The following PREX1 variants were observed in gnomAD, a reference collection of about 807,000 sequenced individuals.
The protein encoded by PREX1 is phosphatidylinositol-3,4,5-trisphosphate dependent Rac exchange factor 1, also known as phosphatidylinositol 3,4,5-trisphosphate-dependent Rac exchanger 1 protein.
PREX1 carries 41 observed loss-of-function variants against 198.3 expected under a neutral mutation model. The observed-to-expected ratio is 0.21, with a 90% CI of 0.16 to 0.27. The LOEUF is 0.27. Among genes scored for constraint, PREX1 ranks in the 10% least tolerant of loss-of-function variants. PREX1 has a pLI of 1.00. For synonymous variants in PREX1, 843 were observed against 887.2 expected, an observed-to-expected ratio of 0.95 and a Z score of 0.89; for missense variants, 1,620 against 2,200.7, an observed-to-expected ratio of 0.74 and a Z score of 5.28.
At chr20:48,846,529 C>T in the PREX1 span, among the ~76,000 whole-genome samples, 1 of 152,186 alleles carries the variant, frequency 6.6e-6, no homozygotes, top group Non-Finnish European at 1.5e-5. Flanking sequence ...GCCCGACCCT[C>T]CTACAGTACA....
chr20:48,681,389 G>A lies in PREX1; in HGVS notation c.1335-54C>T. 1.9e-6 allele frequency: 3 copies of A among 1,566,114 alleles called. No individual in the cohort carries two copies. In the South Asian group the frequency reaches 3.3e-5, roughly 17 times the overall value. Reference sequence around the variant, plus strand: ...GGATTTCCCCAATTCTGGGACCACAGGAATCAGCACTAAGCTGGCCTGGCC... The same window carrying A: ...GGATTTCCCCAATTCTGGGACCACAAGAATCAGCACTAAGCTGGCCTGGCC... On this transcript the variant is annotated intron_variant, in intron 10 of 39. Coordinates refer to ENST00000371941, the MANE Select transcript of PREX1 (RefSeq NM_020820.4).
At chr20:48,671,378 G>C (rs1024799029) in intron 14 of PREX1, among the ~76,000 whole-genome samples, 6 of 152,216 alleles carry the variant, frequency 3.9e-5, no homozygotes, top group African/African-American at 1.4e-4. Flanking sequence ...TACCAGGATA[G>C]CAGAACAGAA....
Position 48,681,451 on chromosome 20 carries a change from C to T in PREX1, c.1335-116G>A, listed in dbSNP as rs147270661. 1,634 of 976,392 alleles carry T rather than the reference C, an allele frequency of 1.7e-3. 23 individuals are homozygous for T. In the African/African-American group the frequency reaches 0.023, roughly 14 times the overall value. 60.5% of individuals were successfully genotyped at this position (976,392 alleles called of 1,614,324 possible). A position where few individuals can be genotyped will look rare whatever the true frequency, so the allele number is the denominator to read the frequency against. On this transcript the variant is annotated intron_variant, in intron 10 of 39. Coordinates refer to ENST00000371941, the MANE Select transcript of PREX1 (RefSeq NM_020820.4). ...TGGGAATGACAGCTAGAACTTCCCA[C>T]AGGGAAGCCGAGTGTAGTAGTCTAT...
chr20:48,879,056 G>A, the PREX1 span, among the ~76,000 whole-genome samples: 2 of 152,154 alleles, frequency 1.3e-5, no homozygotes, highest in African/African-American at 4.8e-5. Context: ...ATTCAGCCAT[G>A]CCTGAATCCC....
chr20:48,633,563 A>T (rs749975480), intron 33 of PREX1, among the ~76,000 whole-genome samples: 2 of 152,198 alleles, frequency 1.3e-5, no homozygotes, highest in Admixed American at 1.3e-4. Context: ...GGCTTTCAGC[A>T]TACAGGCCTC....
Position 48,632,532 on chromosome 20 carries a change from C to A in PREX1, c.4375G>T (p.Ala1459Ser), listed in dbSNP as rs1181121845. The A allele has an allele frequency of 1.9e-6, 3 of 1,613,992 alleles. No homozygotes were observed. Among genetic ancestry groups the A allele is most frequent in the Non-Finnish European group, 2.5e-6 (3 of 1,180,020 alleles). Reference sequence around the variant, plus strand: ...AGCGCTGTGTGCAGCCTCAGGCTGGCCCCACCCTCCAGGCGGGAGGGCAGC... The same window carrying A: ...AGCGCTGTGTGCAGCCTCAGGCTGGACCCACCCTCCAGGCGGGAGGGCAGC... ...SKLPSRLEGG[A>S]SLRLHTALFT... The change falls in exon 34 of 40, where the codon GCC (alanine) becomes TCC (serine). Residue 1459 changes from alanine to serine, a missense_variant. Physicochemically the swap from Ala to Ser is moderately conservative, Grantham distance 99 (BLOSUM62 1). This residue lies in a region of PREX1 where 476 missense variants were observed against 603.4 expected (regional missense o/e 0.79). Coordinates refer to ENST00000371941, the MANE Select transcript of PREX1 (RefSeq NM_020820.4).
chr20:48,809,229 A>G (rs1023295852), intron 1 of PREX1, among the ~76,000 whole-genome samples: 8 of 152,232 alleles, frequency 5.3e-5, no homozygotes, highest in Non-Finnish European at 1.0e-4. Context: ...GAGGTCAGAC[A>G]TGGAAAGGCC....
intron 1 of PREX1, among the ~76,000 whole-genome samples, chr20:48,810,223 T>C (rs1401415988): frequency 1.3e-5 from 2 of 152,042 alleles, no homozygotes; most frequent in East Asian, 1.9e-4. Flanking sequence ...GGTCTTTCAG[T>C]TTTCCATCTG....
chr20:48,686,677 GGA>G (rs1294664667), intron 10 of PREX1, among the ~76,000 whole-genome samples: 1 of 152,220 alleles, frequency 6.6e-6, no homozygotes, highest in Non-Finnish European at 1.5e-5. Flanking sequence ...CCAGCCAGCA[GGA>G]CTCCAAGGCC....
intron 11 of PREX1, among the ~76,000 whole-genome samples, chr20:48,680,271 G>A (rs2089740932): frequency 6.6e-6 from 1 of 152,070 alleles, no homozygotes; most frequent in Non-Finnish European, 1.5e-5. Flanking sequence ...TCCTACACTG[G>A]CCCGAACCAC....
At chr20:48,705,403 C>G (rs1347946886) in intron 6 of PREX1, among the ~76,000 whole-genome samples, 1 of 152,194 alleles carries the variant, frequency 6.6e-6, no homozygotes, top group Non-Finnish European at 1.5e-5. Context: ...GATGCAACCT[C>G]AAGCACACAG....
At chr20:48,642,336 G>T (rs41283550) in intron 28 of PREX1, 71 bp downstream of exon 28, 2 of 1,603,894 alleles carry the variant, frequency 1.2e-6, no homozygotes, top group Non-Finnish European at 1.7e-6. Context: ...CACAGCCCCC[G>T]GGTCATGGGC....
the PREX1 span, among the ~76,000 whole-genome samples, chr20:48,881,783 C>T: frequency 2.0e-5 from 3 of 152,202 alleles, no homozygotes; most frequent in African/African-American, 4.8e-5. Flanking sequence ...CAGCACCTGG[C>T]CTACAATTCA....
intron 16 of PREX1, among the ~76,000 whole-genome samples, chr20:48,658,808 A>G (rs2089565860): frequency 6.6e-6 from 1 of 152,200 alleles, no homozygotes; most frequent in South Asian, 2.1e-4. Flanking sequence ...AGAAGGTGCT[A>G]TCGGAGCTGA....
intron 1 of PREX1, among the ~76,000 whole-genome samples, chr20:48,754,279 G>C (rs1376133511): frequency 1.3e-5 from 2 of 152,316 alleles, no homozygotes; most frequent in East Asian, 1.9e-4. Flanking sequence ...TTCTACAGAA[G>C]AGCCTAAGGC....
At chr20:48,674,706 C>T (rs937250465) in intron 14 of PREX1, among the ~76,000 whole-genome samples, 7 of 152,172 alleles carry the variant, frequency 4.6e-5, no homozygotes, top group Non-Finnish European at 2.9e-5. Flanking sequence ...ACACACAATG[C>T]CTGCTGGGGC....
chr20:48,662,851 T>C (rs572975253), intron 15 of PREX1, among the ~76,000 whole-genome samples: 3 of 152,258 alleles, frequency 2.0e-5, no homozygotes, highest in African/African-American at 4.8e-5. Flanking sequence ...GACATCAGGA[T>C]TGCCTGGGAG....
Position 48,679,744 on chromosome 20 carries a change from C to T in PREX1, c.1446G>A (p.Lys482=), listed in dbSNP as rs2089735846. 1.2e-6 allele frequency: 2 copies of T among 1,612,214 alleles called. No individual in the cohort carries two copies. The highest frequency in any genetic ancestry group is 1.7e-5 in the Admixed American group (1 of 59,988). ...TCACCTGCTCATTCTTGAACTGGTG[C>T]TTGTCGGAAACTGGAGAGACAGGAG... ...ENGIIHHVSD[K]HQFKNEQVMY... Residue 482 remains lysine (K), a synonymous_variant, in exon 12 of 40, where the codon AAG becomes AAA. Transcript: ENST00000371941.
intron 10 of PREX1, among the ~76,000 whole-genome samples, chr20:48,681,665 T>C (rs1172496222): frequency 1.3e-5 from 2 of 151,254 alleles, no homozygotes; most frequent in East Asian, 3.9e-4. Flanking sequence ...GGTTGGTGGA[T>C]GAGTGACTAC....
Sources: gnomAD v4.1 joint callset for allele counts (sites outside exome capture counted in the v4.1 genomes callset) on GRCh38, gnomAD v4.1.1 for gene constraint, gnomAD v4.1.1 regional missense constraint, MANE v1.5 for transcripts, NCBI Gene and HGNC (gene_info 2026-07-23, HGNC 2026-07-21) for gene names.